Variants in RABEP1 observed in about 807,000 individuals in gnomAD.
RABEP1 encodes the protein rab GTPase-binding effector protein 1.
RABEP1 carries 51 observed loss-of-function variants against 123.4 expected under a neutral mutation model. The observed-to-expected ratio is 0.41, with a 90% CI of 0.33 to 0.52. RABEP1 has a LOEUF of 0.52. RABEP1 is among the 20% of genes least tolerant of loss of function. The pLI is 0.16. For missense variants in RABEP1, 888 were observed against 996.3 expected, an observed-to-expected ratio of 0.89 and a Z score of 1.46; for synonymous variants, 347 against 355.2, an observed-to-expected ratio of 0.98 and a Z score of 0.26.
intron 11 of RABEP1, among the ~76,000 whole-genome samples, chr17:5,365,658 C>G (rs1278291628): frequency 2.0e-5 from 3 of 152,158 alleles, no homozygotes; most frequent in Non-Finnish European, 4.4e-5. Context: ...AGAATATTAG[C>G]TGGTACCCCA....
intron 1 of RABEP1, among the ~76,000 whole-genome samples, chr17:5,289,513 C>T (rs1172437617): frequency 6.7e-6 from 1 of 150,130 alleles, no homozygotes; most frequent in Non-Finnish European, 1.5e-5. Context: ...GAGAAAAAAC[C>T]TTATCATTTT....
intron 7 of RABEP1, among the ~76,000 whole-genome samples, chr17:5,353,169 A>G (rs1168401673): frequency 6.6e-6 from 1 of 152,044 alleles, no homozygotes; most frequent in African/African-American, 2.4e-5. Flanking sequence ...ATAACATTAC[A>G]CAGAACTCCT....
chr17:5,355,490 T>TA, intron 8 of RABEP1, among the ~76,000 whole-genome samples: 1 of 152,196 alleles, frequency 6.6e-6, no homozygotes, highest in East Asian at 1.9e-4. Context: ...CAGCCTCACT[T>TA]ACTGCTCTCC....
intron 17 of RABEP1, among the ~76,000 whole-genome samples, chr17:5,382,169 C>T (rs1357143132): frequency 1.3e-5 from 2 of 151,302 alleles, no homozygotes; most frequent in Non-Finnish European, 2.9e-5. Context: ...GCAGCCTGTG[C>T]CTCCTGGATT....
intron 1 of RABEP1, among the ~76,000 whole-genome samples, chr17:5,283,271 A>G (rs532134699): frequency 6.6e-6 from 1 of 152,112 alleles, no homozygotes. Flanking sequence ...GCTGAGGCCT[A>G]CTTGCACTAC....
chr17:5,380,445 A>G lies in RABEP1; in HGVS notation c.2353A>G (p.Lys785Glu). 1 of 1,551,920 alleles carries G rather than the reference A, an allele frequency of 6.4e-7. No homozygotes were observed. The highest frequency in any genetic ancestry group is 8.7e-7 in the Non-Finnish European group (1 of 1,143,038). The part of the protein sequence containing the change: ...IKISLEEQLK[K>E]ETAAKATVEQ... ...GATCAGTTTGGAAGAGCAGTTAAAG[A>G]AAGAGACTGCTGCTAAGGTAGTGTT... The change falls in exon 16 of 18, where the codon AAA becomes GAA. Residue 785 changes from lysine (K) to glutamate (E), a missense_variant. Lys to Glu is a moderately conservative substitution (Grantham distance 56). Transcript: ENST00000537505.
At chr17:5,322,265 G>A (rs553468245) in intron 2 of RABEP1, among the ~76,000 whole-genome samples, 7 of 152,266 alleles carry the variant, frequency 4.6e-5, no homozygotes, top group African/African-American at 1.7e-4. Context: ...GGCTGAGGTG[G>A]GAGAATTCCT....
chr17:5,372,278 A>C (rs1219713492), intron 12 of RABEP1, among the ~76,000 whole-genome samples: 1 of 152,012 alleles, frequency 6.6e-6, no homozygotes. Flanking sequence ...CCCTGCCTCT[A>C]CTAAAAATAC....
intron 2 of RABEP1, among the ~76,000 whole-genome samples, chr17:5,318,365 G>A (rs1440245411): frequency 1.3e-5 from 2 of 152,156 alleles, no homozygotes; most frequent in Non-Finnish European, 2.9e-5. Context: ...TGGGCGAAAA[G>A]TAGTATGTGA....
At chr17:5,351,366 T>G (rs1908537130) in intron 7 of RABEP1, among the ~76,000 whole-genome samples, 1 of 152,190 alleles carries the variant, frequency 6.6e-6, no homozygotes, top group Admixed American at 6.6e-5. Flanking sequence ...AAAGTCTTCC[T>G]TAACATCTCC....
intron 8 of RABEP1, among the ~76,000 whole-genome samples, chr17:5,357,428 A>G (rs1006587311): frequency 2.6e-5 from 4 of 151,304 alleles, no homozygotes; most frequent in Admixed American, 1.3e-4. Flanking sequence ...CTGGAGTGCT[A>G]TGGCGTGATC....
intron 1 of RABEP1, among the ~76,000 whole-genome samples, chr17:5,299,762 TCC>T (rs2075119811): frequency 7.4e-6 from 1 of 135,744 alleles, no homozygotes; most frequent in East Asian, 2.5e-4. Context: ...GCAGAGTCTC[TCC>T]TTGTCGCCAG....
chr17:5,325,821 A>G (rs534751516), intron 2 of RABEP1, among the ~76,000 whole-genome samples: 1 of 152,332 alleles, frequency 6.6e-6, no homozygotes, highest in East Asian at 1.9e-4. Context: ...TACTTTAACT[A>G]TGTACATGTG....
chr17:5,283,010 C>T (rs2074943286), intron 1 of RABEP1, among the ~76,000 whole-genome samples: 1 of 152,114 alleles, frequency 6.6e-6, no homozygotes, highest in African/African-American at 2.4e-5. Flanking sequence ...GATTTAGTAG[C>T]ATTCCCTGAA....
intron 5 of RABEP1, among the ~76,000 whole-genome samples, chr17:5,343,139 C>G (rs900985527): frequency 2.0e-5 from 3 of 152,280 alleles, no homozygotes; most frequent in Admixed American, 2.0e-4. Flanking sequence ...GTAATCCCAG[C>G]TACTTGGGGG....
rs1908811717 is a variant in RABEP1 at position 5,354,164 on chromosome 17, G to A, written c.964-195G>A. Among the ~76,000 whole-genome samples the A allele has an allele frequency of 2.0e-5, 3 of 151,914 alleles. No individual in the cohort carries two copies. The South Asian group carries it at 6.2e-4, about 31-fold the overall frequency. On this transcript the variant is annotated intron_variant, in intron 7 of 17. Coordinates refer to ENST00000537505, the MANE Select transcript of RABEP1 (RefSeq NM_004703.6). Reference sequence around the variant, plus strand: ...TTTCTTCTTTATACCAGTGTTCTTAGTTTGTGCTTATAATATTAAAATATT... The same window carrying A: ...TTTCTTCTTTATACCAGTGTTCTTAATTTGTGCTTATAATATTAAAATATT...
intron 2 of RABEP1, among the ~76,000 whole-genome samples, chr17:5,327,699 TACTC>T (rs1029397006): frequency 2.5e-4 from 38 of 152,194 alleles, no homozygotes; most frequent in Admixed American, 2.0e-3. Flanking sequence ...TTTCCCCACT[TACTC>T]AAAATGATCA....
rs752052785 is a variant in RABEP1 at position 5,354,400 on chromosome 17, C to G, written c.1005C>G (p.His335Gln). ...EQQRLNKRKDHKKADVEEEIK... is the reference protein window; with the variant it reads ...EQQRLNKRKDQKKADVEEEIK... ...AAAGACTCAATAAGAGAAAGGATCA[C>G]AAAAAAGCAGATGTTGAGGAAGAAA... The change falls in exon 8 of 18, where the codon CAC (histidine) becomes CAG (glutamine). Residue 335 changes from histidine to glutamine, a missense_variant. His to Gln is a conservative substitution (Grantham distance 24, BLOSUM62 0). Transcript: ENST00000537505. 6 of 1,612,732 alleles carry G rather than the reference C, an allele frequency of 3.7e-6. No individual in the cohort carries two copies. The East Asian group carries it at 1.3e-4, about 36-fold the overall frequency.
Position 5,373,471 on chromosome 17 carries a change from A to G in RABEP1, c.2025+17A>G, listed in dbSNP as rs1372308161. On this transcript the variant is annotated intron_variant, in intron 13 of 17. Coordinates refer to ENST00000537505, the MANE Select transcript of RABEP1 (RefSeq NM_004703.6). ...ACTACAGAGGTAACTTACTTTCCAC[A>G]TGATCAAAAATGTCAACAAGTACGT... The G allele has an allele frequency of 1.3e-6, 2 of 1,579,696 alleles. No individual in the cohort carries two copies. The highest frequency in any genetic ancestry group is 2.3e-5 in the East Asian group (1 of 44,264).
Sources: allele counts gnomAD v4.1 joint callset (sites outside exome capture counted in the v4.1 genomes callset), GRCh38; gene constraint gnomAD v4.1.1; transcripts MANE v1.5; gene names NCBI Gene and HGNC (gene_info 2026-07-23, HGNC 2026-07-21).